The following PRSS23 variants were observed in gnomAD, a reference collection of about 807,000 sequenced individuals.
The protein encoded by PRSS23 is protease, serine 23.
Under a neutral mutation model 34.7 loss-of-function variants are expected in PRSS23, and 25 were observed. That is an observed-to-expected ratio of 0.72 (90% CI 0.53 to 1.01). PRSS23 has a LOEUF of 1.01. Ranked by LOEUF, PRSS23 falls within the 50% of genes least tolerant of loss-of-function variation. The pLI is 0.00. For missense variants in PRSS23, 445 were observed against 475.6 expected, an observed-to-expected ratio of 0.94 and a Z score of 0.60; for synonymous variants, 176 against 186.6, an observed-to-expected ratio of 0.94 and a Z score of 0.46.
intron 2 of PRSS23, chr11:86,833,379 G>A (rs554976957): frequency 1.3e-4 from 91 of 714,724 alleles, no homozygotes; most frequent in South Asian, 8.5e-4. Flanking sequence ...ACAGCCCAGC[G>A]AGGGCCAGCT....
At chr11:86,806,441 G>A (rs993526780) in intron 1 of PRSS23, among the ~76,000 whole-genome samples, 7 of 152,194 alleles carry the variant, frequency 4.6e-5, no homozygotes, top group Admixed American at 3.3e-4. Flanking sequence ...CTGAATGACC[G>A]AAGCATCAAG....
intron 1 of PRSS23, 70 bp downstream of exon 1, chr11:86,800,721 A>T (rs1000128536): frequency 1.1e-6 from 1 of 888,752 alleles, no homozygotes; most frequent in Non-Finnish European, 1.3e-6. Context: ...GGAGCGGGAC[A>T]AAGGGCCGGG....
intron 1 of PRSS23, among the ~76,000 whole-genome samples, chr11:86,803,413 T>C (rs1426310321): frequency 1.3e-5 from 2 of 152,252 alleles, no homozygotes; most frequent in Non-Finnish European, 2.9e-5. Flanking sequence ...TGTTTATGTT[T>C]AAGTAAACTT....
At chr11:86,823,338 G>C in intron 1 of PRSS23, 1 of 698,154 alleles carries the variant, frequency 1.4e-6, no homozygotes, top group Non-Finnish European at 2.6e-6. Context: ...GTAAAGCCAG[G>C]ACTTTGAACT....
At chr11:86,862,326 AT>A (rs1393445928) in intron 2 of PRSS23, among the ~76,000 whole-genome samples, 1 of 151,702 alleles carries the variant, frequency 6.6e-6, no homozygotes, top group Non-Finnish European at 1.5e-5. Context: ...TATTTGTATC[AT>A]TTTTAGGGGG....
chr11:86,812,314 C>G (rs540954998), downstream of PRSS23, among the ~76,000 whole-genome samples: 7 of 152,324 alleles, frequency 4.6e-5, no homozygotes, highest in Admixed American at 2.6e-4. Context: ...CCTTCTTTGC[C>G]TGGCTCAGCA....
chr11:86,813,146 A>G (rs947217738), downstream of PRSS23, among the ~76,000 whole-genome samples: 3 of 152,272 alleles, frequency 2.0e-5, no homozygotes, highest in South Asian at 6.2e-4. Flanking sequence ...TTAGCCCTTA[A>G]CTATGGTGAT....
chr11:86,919,438 C>T (rs1437020156), intron 2 of PRSS23, among the ~76,000 whole-genome samples: 3 of 152,178 alleles, frequency 2.0e-5, no homozygotes, highest in Admixed American at 6.6e-5. Flanking sequence ...GTGAATGCTG[C>T]GCTTTTTTCA....
chr11:86,914,802 G>A (rs1412277500), intron 2 of PRSS23, among the ~76,000 whole-genome samples: 2 of 152,156 alleles, frequency 1.3e-5, no homozygotes, highest in African/African-American at 2.4e-5. Flanking sequence ...TCCAAGTCTG[G>A]AATTTAGAAG....
At chr11:86,900,709 C>T (rs1178196961) in intron 2 of PRSS23, among the ~76,000 whole-genome samples, 1 of 151,520 alleles carries the variant, frequency 6.6e-6, no homozygotes, top group Non-Finnish European at 1.5e-5. Flanking sequence ...CTCCCTCTCC[C>T]TGGAATCTCT....
At chr11:86,896,380 T>C (rs1391149405) in intron 2 of PRSS23, 2 of 151,542 alleles carry the variant, frequency 1.3e-5, no homozygotes, top group African/African-American at 4.8e-5. Flanking sequence ...AACACACATA[T>C]ACACATGCAC....
At chr11:86,798,487 T>C (rs149821863), upstream of PRSS23, among the ~76,000 whole-genome samples, 371 of 152,308 alleles carry the variant, frequency 2.4e-3, 2 homozygotes, top group African/African-American at 8.0e-3. Context: ...GAGTCTGCAT[T>C]GGGCACCTCA....
At chr11:86,922,414 C>T (rs1949052506) in intron 2 of PRSS23, among the ~76,000 whole-genome samples, 2 of 152,160 alleles carry the variant, frequency 1.3e-5, no homozygotes, top group South Asian at 2.1e-4. Context: ...GACGGGAGGA[C>T]TGCTTGAGCC....
At chr11:86,841,151 C>T (rs926112562) in intron 2 of PRSS23, among the ~76,000 whole-genome samples, 3 of 151,854 alleles carry the variant, frequency 2.0e-5, no homozygotes, top group Non-Finnish European at 4.4e-5. Context: ...ACCAGTCTGA[C>T]CAACATGGAG....
At chr11:86,833,387 G>T in intron 2 of PRSS23, 2 of 686,344 alleles carry the variant, frequency 2.9e-6, no homozygotes, top group Non-Finnish European at 5.3e-6. Flanking sequence ...GCGAGGGCCA[G>T]CTGCAGTTTT....
chr11:86,829,224 C>T (rs1266834909), intron 2 of PRSS23, among the ~76,000 whole-genome samples: 2 of 152,170 alleles, frequency 1.3e-5, no homozygotes, highest in Non-Finnish European at 2.9e-5. Flanking sequence ...AACTTCCCTT[C>T]TCGCTTCATT....
At chr11:86,837,963 C>T (rs941723221) in intron 2 of PRSS23, among the ~76,000 whole-genome samples, 5 of 152,034 alleles carry the variant, frequency 3.3e-5, no homozygotes, top group Admixed American at 1.3e-4. Context: ...AGAGGGTGAA[C>T]TGAAGTAGGG....
intron 2 of PRSS23, among the ~76,000 whole-genome samples, chr11:86,855,532 C>T (rs1370946838): frequency 1.3e-5 from 2 of 152,094 alleles, no homozygotes; most frequent in Non-Finnish European, 2.9e-5. Flanking sequence ...GTCTCGTTCT[C>T]TTGCCCAGGT....
At chr11:86,829,023 T>G (rs1948327976) in intron 2 of PRSS23, among the ~76,000 whole-genome samples, 1 of 152,222 alleles carries the variant, frequency 6.6e-6, no homozygotes, top group South Asian at 2.1e-4. Flanking sequence ...CTGTATTTCC[T>G]GAATCTGAAT....
Sources: gnomAD v4.1 joint callset for allele counts (sites outside exome capture counted in the v4.1 genomes callset) on GRCh38, gnomAD v4.1.1 for gene constraint, MANE v1.5 for transcripts, NCBI Gene and HGNC (gene_info 2026-07-23, HGNC 2026-07-21) for gene names.